The following NCOA7 variants were observed in gnomAD, a reference collection of about 807,000 sequenced individuals.
The protein encoded by NCOA7 is 140 kDa estrogen receptor-associated protein.
NCOA7 carries 45 observed loss-of-function variants against 104.3 expected under a neutral mutation model. The observed-to-expected ratio is 0.43, with a 90% confidence interval of 0.34 to 0.55. The LOEUF is 0.55. Ranked by LOEUF, NCOA7 falls within the 20% of genes least tolerant of loss-of-function variation. NCOA7 has a pLI of 0.02. For missense variants in NCOA7, 1,041 were observed against 1,119.7 expected (o/e 0.93, Z 1.00); for synonymous variants, 398 against 402.3 (o/e 0.99, Z 0.13).
intron 10 of NCOA7, among the ~76,000 whole-genome samples, chr6:125,896,865 T>C (rs964151808): frequency 6.6e-6 from 1 of 152,268 alleles, no homozygotes; most frequent in African/African-American, 2.4e-5. Flanking sequence ...TAAAAAGTAT[T>C]CTAAAGTGCT....
chr6:125,794,712 A>G (rs1775139792), intron 1 of NCOA7, among the ~76,000 whole-genome samples: 1 of 152,258 alleles, frequency 6.6e-6, no homozygotes, highest in Admixed American at 6.5e-5. Flanking sequence ...CAAATGGAAA[A>G]CAATGTTACA....
At chr6:125,890,279 T>G (rs1373802758) in intron 9 of NCOA7, among the ~76,000 whole-genome samples, 1 of 152,238 alleles carries the variant, frequency 6.6e-6, no homozygotes, top group Non-Finnish European at 1.5e-5. Context: ...TTTAAACTGT[T>G]TTTGAAGAAA....
intron 6 of NCOA7, among the ~76,000 whole-genome samples, chr6:125,881,572 G>C (rs1275239550): frequency 6.6e-6 from 1 of 151,586 alleles, no homozygotes; most frequent in Non-Finnish European, 1.5e-5. Context: ...TCAGGAGGCT[G>C]TGGTGGGAGG....
chr6:125,896,913 CATTT>C (rs1303731630), intron 10 of NCOA7, among the ~76,000 whole-genome samples: 1 of 152,210 alleles, frequency 6.6e-6, no homozygotes, highest in East Asian at 1.9e-4. Context: ...TCAGCAAACT[CATTT>C]ATACTCAATA....
rs145371222 is a variant in NCOA7, at chr6:125,884,319, A to G, written c.700-840A>G. 6.1e-3 allele frequency among the ~76,000 whole-genome samples: 927 copies of G among 152,344 alleles called. 7 individuals carry two copies. The highest frequency in any genetic ancestry group is 0.014 in the Middle Eastern group (4 of 294). On this transcript the variant is annotated intron_variant, in intron 7 of 15. Coordinates refer to ENST00000392477, the MANE Select transcript of NCOA7 (RefSeq NM_181782.5). ...ATGCTGCAAATAAACATGCAAGTGC[A>G]GATACCTGTTTGAGATATGATTTCA...
intron 10 of NCOA7, among the ~76,000 whole-genome samples, chr6:125,898,096 G>A (rs1047599314): frequency 6.6e-6 from 1 of 152,114 alleles, no homozygotes; most frequent in Non-Finnish European, 1.5e-5. Flanking sequence ...ATCATAGTCA[G>A]GATTTTTCAA....
intron 3 of NCOA7, among the ~76,000 whole-genome samples, chr6:125,857,101 A>G (rs1781627128): frequency 6.6e-6 from 1 of 152,224 alleles, no homozygotes; most frequent in African/African-American, 2.4e-5. Context: ...GCTATTCAGT[A>G]TTTTATAAAA....
chr6:125,880,618 C>G (rs1364650320), intron 5 of NCOA7, among the ~76,000 whole-genome samples: 1 of 152,048 alleles, frequency 6.6e-6, no homozygotes, highest in African/African-American at 2.4e-5. Context: ...ACCTCTGCCT[C>G]CTGGGTTCAA....
intron 1 of NCOA7, among the ~76,000 whole-genome samples, chr6:125,804,191 G>A (rs1388481096): frequency 6.6e-6 from 1 of 152,234 alleles, no homozygotes; most frequent in Non-Finnish European, 1.5e-5. Flanking sequence ...AAACGGGCCA[G>A]AGAGTCTATG....
intron 2 of NCOA7, among the ~76,000 whole-genome samples, chr6:125,854,093 G>A (rs1219435360): frequency 1.3e-5 from 2 of 152,136 alleles, no homozygotes; most frequent in Non-Finnish European, 2.9e-5. Context: ...ATCTAACTGT[G>A]CCTAGATACT....
intron 1 of NCOA7, among the ~76,000 whole-genome samples, chr6:125,792,500 A>G (rs2128543772): frequency 6.6e-6 from 1 of 152,338 alleles, no homozygotes; most frequent in South Asian, 2.1e-4. Context: ...GGAAACAATG[A>G]TTTGGTTAAT....
At chr6:125,873,104 G>A (rs976007711) in intron 3 of NCOA7, among the ~76,000 whole-genome samples, 1 of 152,084 alleles carries the variant, frequency 6.6e-6, no homozygotes, top group Non-Finnish European at 1.5e-5. Flanking sequence ...TCTTCATCTA[G>A]GACCCCCATG....
chr6:125,803,213 C>A (rs544079164), intron 1 of NCOA7, among the ~76,000 whole-genome samples: 2 of 152,324 alleles, frequency 1.3e-5, no homozygotes, highest in African/African-American at 4.8e-5. Flanking sequence ...AAGACTTTCC[C>A]TACCAGCACT....
chr6:125,922,057 G>A (rs908891764), intron 12 of NCOA7, among the ~76,000 whole-genome samples: 7 of 152,104 alleles, frequency 4.6e-5, no homozygotes, highest in Non-Finnish European at 1.0e-4. Flanking sequence ...ATAGAGTGTG[G>A]GATTCACACT....
chr6:125,809,745 C>T (rs1776795822), intron 1 of NCOA7, among the ~76,000 whole-genome samples: 2 of 152,112 alleles, frequency 1.3e-5, no homozygotes, highest in South Asian at 4.1e-4. Context: ...ACAGTGTGAC[C>T]AAGCCTCAAT....
chr6:125,814,017 T>C (rs1168956606), intron 1 of NCOA7, among the ~76,000 whole-genome samples: 3 of 152,224 alleles, frequency 2.0e-5, no homozygotes, highest in Non-Finnish European at 2.9e-5. Context: ...AGAGCAAATA[T>C]CATGTCTTTA....
intron 1 of NCOA7, among the ~76,000 whole-genome samples, chr6:125,800,409 G>A (rs981197284): frequency 6.6e-6 from 1 of 152,102 alleles, no homozygotes; most frequent in Admixed American, 6.5e-5. Context: ...TAGTACAGAG[G>A]ACATGTTTTT....
intron 10 of NCOA7, among the ~76,000 whole-genome samples, chr6:125,899,248 G>A (rs193053555): frequency 6.6e-6 from 1 of 152,188 alleles, no homozygotes; most frequent in East Asian, 1.9e-4. Context: ...TAGAAATAAG[G>A]GATGAATTAA....
rs187357445 is a variant in NCOA7, at chr6:125,907,440, C to T, written c.2097-7893C>T. 2.7e-3 allele frequency among the ~76,000 whole-genome samples: 418 copies of T among 152,288 alleles called. 1 individual carries two copies. The highest frequency in any genetic ancestry group is 9.5e-3 in the African/African-American group (393 of 41,558). On this transcript the variant is annotated intron_variant, in intron 10 of 15. Coordinates refer to ENST00000392477, the MANE Select transcript of NCOA7 (RefSeq NM_181782.5). ...GAGCACAGCACTGACGGGCTGGCTC[C>T]GGTGGTGCTGTGAGTCCCTCATCAG...
Sources: gnomAD v4.1 joint callset for allele counts (sites outside exome capture counted in the v4.1 genomes callset) on GRCh38, gnomAD v4.1.1 for gene constraint, MANE v1.5 for transcripts, NCBI Gene and HGNC (gene_info 2026-07-23, HGNC 2026-07-21) for gene names.